Variants in FBXW11 observed in about 807,000 individuals in gnomAD.
FBXW11 encodes the protein F-box and WD repeat domain containing 11, also known as F-box/WD repeat-containing protein 11.
Under a neutral mutation model 77.6 loss-of-function variants are expected in FBXW11, and 19 were observed. The ratio of observed to expected loss-of-function variants is 0.24; its 90% CI spans 0.17 to 0.36. The LOEUF is 0.36. Ranked by LOEUF, FBXW11 falls within the 10% of genes least tolerant of loss-of-function variation. The probability of loss-of-function intolerance (pLI) is 1.00; values close to 1 mark genes in which losing one functional copy is unlikely to be tolerated. For synonymous variants in FBXW11, 235 were observed against 249.4 expected (o/e 0.94, Z 0.54); for missense variants, 334 against 704.2 (o/e 0.47, Z 5.95).
chr5:171,886,906 T>C (rs186918268), intron 7 of FBXW11, among the ~76,000 whole-genome samples: 9 of 152,172 alleles, frequency 5.9e-5, no homozygotes, highest in Admixed American at 2.0e-4. Context: ...TCCCAGCTAC[T>C]CAGGAGGCTG....
At chr5:171,979,487 T>C (rs1254194196) in intron 1 of FBXW11, among the ~76,000 whole-genome samples, 1 of 152,210 alleles carries the variant, frequency 6.6e-6, no homozygotes, top group Non-Finnish European at 1.5e-5. Context: ...TTATTTTACA[T>C]TATATTTATT....
intron 11 of FBXW11, among the ~76,000 whole-genome samples, chr5:171,870,452 A>C (rs1357954721): frequency 6.6e-6 from 1 of 152,156 alleles, no homozygotes; most frequent in Non-Finnish European, 1.5e-5. Context: ...CAAAGAAGTC[A>C]ATACCCCCAC....
At chr5:171,966,118 T>G (rs1177883838) in intron 1 of FBXW11, among the ~76,000 whole-genome samples, 1 of 152,216 alleles carries the variant, frequency 6.6e-6, no homozygotes, top group East Asian at 1.9e-4. Flanking sequence ...AAACCTCTTC[T>G]TTATGAATTA....
intron 2 of FBXW11, among the ~76,000 whole-genome samples, chr5:171,941,217 C>T (rs1281957310): frequency 1.3e-5 from 2 of 152,172 alleles, no homozygotes; most frequent in East Asian, 3.8e-4. Context: ...ATATTATGTA[C>T]TACCTGAGAG....
chr5:171,913,816 CAT>C (rs1554099735), intron 3 of FBXW11, among the ~76,000 whole-genome samples: 18 of 132,626 alleles, frequency 1.4e-4, no homozygotes, highest in Middle Eastern at 3.9e-3. Flanking sequence ...ACCACACACA[CAT>C]ACACACACAC....
At chr5:171,937,085 T>C (rs575230980) in intron 2 of FBXW11, among the ~76,000 whole-genome samples, 56 of 152,352 alleles carry the variant, frequency 3.7e-4, no homozygotes, top group African/African-American at 1.3e-3. Context: ...CTTTTCTTCA[T>C]AACTATTGTT....
intron 6 of FBXW11, among the ~76,000 whole-genome samples, chr5:171,893,857 T>C (rs541221592): frequency 5.3e-5 from 8 of 152,296 alleles, no homozygotes; most frequent in African/African-American, 1.9e-4. Context: ...AGGTATACAA[T>C]TGCTTTAAAA....
intron 2 of FBXW11, among the ~76,000 whole-genome samples, chr5:171,920,610 G>C (rs557284649): frequency 6.6e-6 from 1 of 151,894 alleles, no homozygotes; most frequent in South Asian, 2.1e-4. Flanking sequence ...AGGAGGCCAA[G>C]GCAAGAGGAT....
intron 7 of FBXW11, among the ~76,000 whole-genome samples, chr5:171,878,597 A>T (rs1293856865): frequency 2.6e-5 from 2 of 77,396 alleles, no homozygotes; most frequent in African/African-American, 8.8e-5. Context: ...TGTGTAAGAG[A>T]GAGAGAGTGT....
At chr5:171,987,313 G>A (rs1375608631) in intron 1 of FBXW11, among the ~76,000 whole-genome samples, 2 of 152,196 alleles carry the variant, frequency 1.3e-5, no homozygotes, top group Non-Finnish European at 2.9e-5. Flanking sequence ...TTGTCTCCCA[G>A]ATAGACAACA....
intron 2 of FBXW11, among the ~76,000 whole-genome samples, chr5:171,935,912 A>G (rs1762450178): frequency 1.3e-5 from 2 of 151,968 alleles, no homozygotes; most frequent in Admixed American, 1.3e-4. Context: ...GGAGTTCGAG[A>G]CAAGCCTGAC....
intron 2 of FBXW11, among the ~76,000 whole-genome samples, chr5:171,934,644 T>A (rs532636329): frequency 6.5e-5 from 9 of 138,900 alleles, no homozygotes; most frequent in Non-Finnish European, 1.1e-4. Flanking sequence ...GCCACCCTAC[T>A]CCAGCCTGGG....
intron 13 of FBXW11, among the ~76,000 whole-genome samples, chr5:171,864,963 C>CAAAAAAAA: frequency 1.5e-5 from 1 of 66,328 alleles, no homozygotes. Context: ...CCTTAGGTGG[C>CAAAAAAAA]AAAAAAAAAA....
chr5:171,887,895 G>C (rs1219344225), intron 7 of FBXW11, among the ~76,000 whole-genome samples: 1 of 152,126 alleles, frequency 6.6e-6, no homozygotes, highest in Non-Finnish European at 1.5e-5. Flanking sequence ...CTGGCCTCAA[G>C]TGATCCACCC....
chr5:171,898,236 C>T (rs533593806), intron 6 of FBXW11, among the ~76,000 whole-genome samples: 2 of 152,260 alleles, frequency 1.3e-5, no homozygotes, highest in South Asian at 4.1e-4. Flanking sequence ...GATTACTTCA[C>T]ATTTGGGAAA....
intron 6 of FBXW11, among the ~76,000 whole-genome samples, chr5:171,897,773 C>A (rs1430624582): frequency 5.4e-5 from 8 of 148,636 alleles, no homozygotes; most frequent in African/African-American, 1.7e-4. Context: ...AAAAAAAAAA[C>A]AGAGGGTAAT....
intron 8 of FBXW11, among the ~76,000 whole-genome samples, 174 bp downstream of exon 8, chr5:171,877,837 A>G (rs1758203449): frequency 6.6e-6 from 1 of 152,226 alleles, no homozygotes; most frequent in Admixed American, 6.5e-5. Context: ...GAACACCCTT[A>G]ACAAAAATTA....
At chr5:171,977,056 C>G (rs2113463228) in intron 1 of FBXW11, among the ~76,000 whole-genome samples, 1 of 150,388 alleles carries the variant, frequency 6.6e-6, no homozygotes, top group South Asian at 2.1e-4. Flanking sequence ...AAAGAAATCT[C>G]TGGCCAGGCA....
chr5:171,989,964 CAAAG>C (rs1765645002), intron 1 of FBXW11, among the ~76,000 whole-genome samples: 1 of 152,002 alleles, frequency 6.6e-6, no homozygotes, highest in Non-Finnish European at 1.5e-5. Flanking sequence ...TGGTTTGAGA[CAAAG>C]AGAGAGAAAC....
Sources: gnomAD v4.1 joint callset for allele counts (sites outside exome capture counted in the v4.1 genomes callset) on GRCh38, gnomAD v4.1.1 for gene constraint, MANE v1.5 for transcripts, NCBI Gene and HGNC (gene_info 2026-07-23, HGNC 2026-07-21) for gene names.